The following RIC3 variants were observed in gnomAD, a reference collection of about 807,000 sequenced individuals.
RIC3 encodes protein RIC-3.
RIC3 carries 28 observed loss-of-function variants against 27.3 expected under a neutral mutation model. The observed-to-expected ratio is 1.02, with a 90% CI of 0.76 to 1.41. The LOEUF (loss-of-function observed/expected upper bound fraction) is 1.41, where lower values mean the gene tolerates loss of function less well. Ranked by LOEUF, RIC3 falls within the 40% of genes most tolerant of loss-of-function variation. RIC3 has a pLI of 0.00. For synonymous variants in RIC3, 184 were observed against 160.4 expected, an observed-to-expected ratio of 1.15 and a Z score of -1.11; for missense variants, 501 against 444.7, an observed-to-expected ratio of 1.13 and a Z score of -1.14.
At position 8,135,892 on chromosome 11, in the gene RIC3, T is replaced by G. The variant is rs1948342865; in HGVS notation, c.521+1486A>C. The G allele has an allele frequency of 2.0e-5, 3 of 152,174 alleles. No homozygotes were observed. The South Asian group carries it at 6.2e-4, about 32-fold the overall frequency. 9.4% of individuals were successfully genotyped at this position (152,174 alleles called of 1,614,324 possible). ...GCCAGAAAAGTATAATTGCACAAAT[T>G]GGTTTAGTCACACTCATACAAATAG... is the stretch of plus-strand genomic sequence containing the variant. On this transcript the variant is annotated intron_variant, in intron 4 of 5. Transcript: ENST00000309737.
chr11:8,100,441 C>G, the RIC3 span: 25 of 1,330,176 alleles, frequency 1.9e-5, no homozygotes, highest in African/African-American at 7.2e-5. Flanking sequence ...TCCCGTCCCC[C>G]CCACCTTCTC....
rs575552757 is a variant in RIC3, at chr11:8,114,616, AAAAG to A, written c.671-3483_671-3480del. Among the ~76,000 whole-genome samples, 834 of 151,460 alleles carry A rather than the reference AAAAG, an allele frequency of 5.5e-3. 11 individuals carry two copies. Among genetic ancestry groups the A allele is most frequent in the African/African-American group, 0.019 (788 of 41,278 alleles). On this transcript the variant is annotated intron_variant, in intron 5 of 5. Coordinates refer to ENST00000309737, the MANE Select transcript of RIC3 (RefSeq NM_001206671.4). ...AACAAAACTCCATCTCAAAAAAAAA[AAAAG>A]AAAGAAAGAAAGAAAAAGAAGACAC... is the stretch of plus-strand genomic sequence containing the variant.
intron 4 of RIC3, among the ~76,000 whole-genome samples, chr11:8,134,115 A>T (rs1248496613): frequency 1.3e-5 from 2 of 152,046 alleles, no homozygotes; most frequent in African/African-American, 4.8e-5. Flanking sequence ...CATTTACATT[A>T]GGTATATCTC....
At chr11:8,145,883 C>A (rs1272117092) in intron 1 of RIC3, among the ~76,000 whole-genome samples, 1 of 152,132 alleles carries the variant, frequency 6.6e-6, no homozygotes, top group Admixed American at 6.5e-5. Context: ...TTGGATTTGA[C>A]TTGAACAAAA....
chr11:8,094,653 C>T, the RIC3 span, among the ~76,000 whole-genome samples: 4 of 152,212 alleles, frequency 2.6e-5, no homozygotes, highest in Non-Finnish European at 5.9e-5. Flanking sequence ...AGGTTCCACC[C>T]TCTGGACCAC....
At chr11:8,121,027 A>T (rs1350564278) in intron 5 of RIC3, among the ~76,000 whole-genome samples, 1 of 152,234 alleles carries the variant, frequency 6.6e-6, no homozygotes, top group Non-Finnish European at 1.5e-5. Flanking sequence ...GTCAAAATTT[A>T]AATTCAAGAA....
intron 1 of RIC3, among the ~76,000 whole-genome samples, chr11:8,152,946 G>C (rs1205099679): frequency 6.6e-6 from 1 of 151,886 alleles, no homozygotes; most frequent in Non-Finnish European, 1.5e-5. Flanking sequence ...AGTAACAGGA[G>C]AAAGAAAGAA....
rs1944917639 is a variant in RIC3, at chr11:8,108,598, G to C, written c.*2100C>G. 6.6e-6 allele frequency: 1 copy of C among 152,178 alleles called. No homozygotes were observed. The highest frequency in any genetic ancestry group is 2.4e-5 in the African/African-American group (1 of 41,430). The allele number at this position is 152,178 out of a possible 1,614,324, so 9.4% of individuals were successfully genotyped here. A position where few individuals can be genotyped will look rare whatever the true frequency, so the allele number is the denominator to read the frequency against. On this transcript the variant is annotated 3_prime_UTR_variant, in exon 6 of 6. Transcript: ENST00000309737. Reference sequence around the variant, plus strand: ...CAGACCAGTTAAGGAGCTGACCCAAGATTCCACAGCTAGAAAATGCAGGGA... The same window carrying C: ...CAGACCAGTTAAGGAGCTGACCCAACATTCCACAGCTAGAAAATGCAGGGA...
chr11:8,117,586 C>T (rs1449908550), intron 5 of RIC3, among the ~76,000 whole-genome samples: 1 of 145,940 alleles, frequency 6.9e-6, no homozygotes, highest in African/African-American at 2.5e-5. Context: ...AAAATTTCAG[C>T]TGGATAGGAG....
chr11:8,107,323 A>C lies in RIC3; in HGVS notation c.*3375T>G, dbSNP rs1274498546. On this transcript the variant is annotated 3_prime_UTR_variant, in exon 6 of 6. Transcript: ENST00000309737. ...GATCTAGAGTTCTGATGTGACCAAGAGCATTTCCTACCTGAACCATGGCCT... is the reference window on the plus strand; with the variant it reads ...GATCTAGAGTTCTGATGTGACCAAGCGCATTTCCTACCTGAACCATGGCCT... 6.6e-6 allele frequency: 1 copy of C among 152,150 alleles called. No homozygotes were observed. The highest frequency in any genetic ancestry group is 1.5e-5 in the Non-Finnish European group (1 of 68,038). The allele number at this position is 152,150 out of a possible 1,614,324, so 9.4% of individuals were successfully genotyped here.
At chr11:8,151,583 C>T (rs1271668849) in intron 1 of RIC3, among the ~76,000 whole-genome samples, 1 of 43,738 alleles carries the variant, frequency 2.3e-5, no homozygotes, top group African/African-American at 2.7e-4. Context: ...GAAACTCCGT[C>T]TCAAAAAAAA....
At chr11:8,131,967 G>A (rs10769872) in intron 4 of RIC3, among the ~76,000 whole-genome samples, 1 of 147,144 alleles carries the variant, frequency 6.8e-6, no homozygotes, top group Non-Finnish European at 1.5e-5. Flanking sequence ...CCTTAGTACC[G>A]ACTATACAAA....
chr11:8,097,641 G>T, the RIC3 span: 2 of 1,388,864 alleles, frequency 1.4e-6, no homozygotes, highest in South Asian at 1.3e-5. Context: ...GAGAGAGTCT[G>T]TGTGAGTGGC....
intron 1 of RIC3, among the ~76,000 whole-genome samples, chr11:8,155,755 T>C (rs1176445779): frequency 1.3e-5 from 2 of 152,156 alleles, no homozygotes. Context: ...TATAAAGAAC[T>C]GGACATGTTT....
Position 8,137,375 on chromosome 11 carries a change from T to C in RIC3, c.521+3A>G, listed in dbSNP as rs371382896. 59 of 1,611,890 alleles carry C rather than the reference T, an allele frequency of 3.7e-5. No homozygotes were observed. Among genetic ancestry groups the C allele is most frequent in the Non-Finnish European group, 5.0e-5 (59 of 1,178,280 alleles). On this transcript the variant is annotated splice_donor_region_variant and intron_variant, in intron 4 of 5. Coordinates refer to ENST00000309737, the MANE Select transcript of RIC3 (RefSeq NM_001206671.4). ...GTCTGAGTCCCGTTACATGAAAACC[T>C]ACCTCTCACCATTAGGTCCCACTCT...
chr11:8,140,235 A>G (rs1224899303), intron 1 of RIC3, 42 bp from the exon 2 acceptor site: 1 of 1,545,188 alleles, frequency 6.5e-7, no homozygotes, highest in Non-Finnish European at 8.8e-7. Flanking sequence ...CTACTATTTT[A>G]AAGATGGCTA....
At chr11:8,152,802 C>T (rs1035487964) in intron 1 of RIC3, among the ~76,000 whole-genome samples, 7 of 151,766 alleles carry the variant, frequency 4.6e-5, no homozygotes, top group African/African-American at 1.7e-4. Context: ...GTTTGATACT[C>T]TCATATGCTT....
downstream of RIC3, chr11:8,103,607 A>G (rs1484581697): frequency 2.0e-5 from 3 of 152,590 alleles, no homozygotes; most frequent in African/African-American, 7.2e-5. Context: ...CTTTTGCAAC[A>G]TGGTCCAGTT....
downstream of RIC3, chr11:8,103,205 A>G (rs1944380783): frequency 6.6e-6 from 1 of 151,970 alleles, no homozygotes; most frequent in Non-Finnish European, 1.5e-5. Flanking sequence ...TCCCTCCACT[A>G]CCGCTATTTC....
Sources: gnomAD v4.1 joint callset for allele counts (sites outside exome capture counted in the v4.1 genomes callset) on GRCh38, gnomAD v4.1.1 for gene constraint, MANE v1.5 for transcripts, NCBI Gene and HGNC (gene_info 2026-07-23, HGNC 2026-07-21) for gene names.